The following TULP4 variants were observed in gnomAD, a reference collection of about 807,000 sequenced individuals.
The protein encoded by TULP4 is tubby-related protein 4.
TULP4 carries 16 observed loss-of-function variants against 129.0 expected under a neutral mutation model. That is an observed-to-expected ratio of 0.12 (90% CI 0.08 to 0.19). The LOEUF (loss-of-function observed/expected upper bound fraction) is 0.19. TULP4 is among the 10% of genes least tolerant of loss of function. The pLI, the probability that TULP4 is intolerant of heterozygous loss-of-function variation, is 1.00. For missense variants in TULP4, 1,842 were observed against 2,059.1 expected, an observed-to-expected ratio of 0.89 and a Z score of 2.04; for synonymous variants, 998 against 854.0, an observed-to-expected ratio of 1.17 and a Z score of -2.94.
chr6:158,308,511 G>A (rs2128480091), upstream of TULP4, among the ~76,000 whole-genome samples: 1 of 152,132 alleles, frequency 6.6e-6, no homozygotes, highest in East Asian at 2.0e-4. Flanking sequence ...TCAATGAGCT[G>A]TTGGGTACAC....
chr6:158,285,903 C>T (rs913245644), intron 1 of TULP4, among the ~76,000 whole-genome samples: 1 of 152,158 alleles, frequency 6.6e-6, no homozygotes, highest in Non-Finnish European at 1.5e-5. Context: ...AGCCAGGGCT[C>T]TGTTCGGTTG....
chr6:158,401,248 A>G (rs537267216), intron 1 of TULP4, among the ~76,000 whole-genome samples: 1 of 152,052 alleles, frequency 6.6e-6, no homozygotes, highest in South Asian at 2.1e-4. Context: ...TAATTTTGGT[A>G]TTTTTTGTAG....
chr6:158,490,823 G>A (rs1038510146), intron 9 of TULP4, among the ~76,000 whole-genome samples: 9 of 151,058 alleles, frequency 6.0e-5, no homozygotes, highest in African/African-American at 1.9e-4. Flanking sequence ...ATGATTTTGA[G>A]AGTCATCATG....
chr6:158,498,007 C>T (rs1460006033), intron 11 of TULP4, among the ~76,000 whole-genome samples: 1 of 152,212 alleles, frequency 6.6e-6, no homozygotes, highest in Non-Finnish European at 1.5e-5. Context: ...TATTTTGTCT[C>T]CTCTAAATAT....
intron 4 of TULP4, among the ~76,000 whole-genome samples, chr6:158,451,060 G>A (rs146104581): frequency 0.011 from 1,663 of 151,658 alleles, 32 homozygotes; most frequent in African/African-American, 0.037. Flanking sequence ...GCAAGTCTCC[G>A]TTTCAAAAAA....
chr6:158,240,832 G>T (rs1188723866), intron 1 of TULP4, among the ~76,000 whole-genome samples: 1 of 150,574 alleles, frequency 6.6e-6, no homozygotes, highest in Non-Finnish European at 1.5e-5. Flanking sequence ...GGCATGGCTG[G>T]CTGGGCGGGG....
rs1779422369 is a variant in TULP4 at position 158,313,864 on chromosome 6, T to C, written c.-153T>C. On this transcript the variant is annotated 5_prime_UTR_variant, in exon 1 of 14. Transcript: ENST00000367097. The stretch of plus-strand genomic sequence containing the variant: ...CATTCGGTGGATCTTTATAAAATAC[T>C]GACCTTCTAATTAGATTCAGGTCAG... 1 of 794,020 alleles carries C rather than the reference T, an allele frequency of 1.3e-6. No individual in the cohort carries two copies. Among genetic ancestry groups the C allele is most frequent in the South Asian group, 1.9e-5 (1 of 51,448 alleles). The allele number at this position is 794,020 out of a possible 1,614,324, so 49.2% of individuals were successfully genotyped here.
At chr6:158,258,043 T>C (rs1031145935) in intron 1 of TULP4, among the ~76,000 whole-genome samples, 6 of 152,226 alleles carry the variant, frequency 3.9e-5, no homozygotes, top group African/African-American at 1.4e-4. Context: ...CAACCACCTG[T>C]AGGTTTCTAT....
chr6:158,285,952 A>G (rs1464841781), intron 1 of TULP4, among the ~76,000 whole-genome samples: 1 of 152,226 alleles, frequency 6.6e-6, no homozygotes, highest in East Asian at 1.9e-4. Flanking sequence ...TCCTTTCTAT[A>G]TGAAAAACAT....
chr6:158,278,634 C>G (rs1231520432), upstream of TULP4, among the ~76,000 whole-genome samples: 1 of 152,106 alleles, frequency 6.6e-6, no homozygotes. Flanking sequence ...AACAGTTGCT[C>G]TGATAATAGT....
At chr6:158,461,799 T>C in intron 6 of TULP4, 70 bp downstream of exon 6, 2 of 1,496,292 alleles carry the variant, frequency 1.3e-6, no homozygotes, top group South Asian at 2.7e-5. Context: ...ATAATTATTG[T>C]TGACAAATTT....
At chr6:158,340,656 AG>A (rs1780158990) in intron 1 of TULP4, among the ~76,000 whole-genome samples, 2 of 152,132 alleles carry the variant, frequency 1.3e-5, no homozygotes. Flanking sequence ...TTCTAAGAGG[AG>A]AAAAGGTGAC....
rs1462931842 is a variant in TULP4 at position 158,511,718 on chromosome 6, A to G, written c.*5024A>G. On this transcript the variant is annotated 3_prime_UTR_variant, in exon 14 of 14. Coordinates refer to ENST00000367097, the MANE Select transcript of TULP4 (RefSeq NM_020245.5). ...CAAAACGATGTGGTTTGTCCAAGTT[A>G]TTTTCTGTCTTTATTACTGAGACGG... 2 of 152,092 alleles carry G rather than the reference A, an allele frequency of 1.3e-5. No individual in the cohort carries two copies. Among genetic ancestry groups the G allele is most frequent in the African/African-American group, 4.8e-5 (2 of 41,392 alleles). The allele number at this position is 152,092 out of a possible 1,614,324, so 9.4% of individuals were successfully genotyped here. A position where few individuals can be genotyped will look rare whatever the true frequency, so the allele number is the denominator to read the frequency against.
chr6:158,339,865 A>T (rs1181934583), intron 1 of TULP4, among the ~76,000 whole-genome samples: 1 of 152,230 alleles, frequency 6.6e-6, no homozygotes, highest in Non-Finnish European at 1.5e-5. Context: ...TCCTCAGCTT[A>T]CAAAGATGAC....
intron 1 of TULP4, among the ~76,000 whole-genome samples, chr6:158,348,058 A>G (rs1780353426): frequency 6.6e-6 from 1 of 150,988 alleles, no homozygotes; most frequent in African/African-American, 2.4e-5. Context: ...CCTTGCTGAG[A>G]TTCTGTATTT....
intron 1 of TULP4, among the ~76,000 whole-genome samples, chr6:158,369,818 G>T (rs1163973557): frequency 6.6e-6 from 1 of 152,106 alleles, no homozygotes; most frequent in African/African-American, 2.4e-5. Flanking sequence ...AGACAGAGGG[G>T]GAGGGAGATT....
intron 1 of TULP4, among the ~76,000 whole-genome samples, chr6:158,384,479 G>A (rs949034346): frequency 5.9e-5 from 9 of 151,838 alleles, no homozygotes; most frequent in South Asian, 2.1e-4. Flanking sequence ...TAGTAGAGAC[G>A]GGGTTTCACT....
chr6:158,325,313 A>G (rs1422029178), intron 1 of TULP4, among the ~76,000 whole-genome samples: 1 of 151,564 alleles, frequency 6.6e-6, no homozygotes, highest in Admixed American at 6.6e-5. Context: ...TCTTAATTGT[A>G]GCCAGTTATT....
chr6:158,415,655 C>T (rs1414253508), intron 2 of TULP4, among the ~76,000 whole-genome samples: 12 of 150,552 alleles, frequency 8.0e-5, no homozygotes, highest in Admixed American at 1.3e-4. Context: ...CCACTGCGCC[C>T]GGCCGCTTCT....
Sources: allele counts gnomAD v4.1 joint callset (sites outside exome capture counted in the v4.1 genomes callset), GRCh38; gene constraint gnomAD v4.1.1; transcripts MANE v1.5; gene names NCBI Gene and HGNC (gene_info 2026-07-23, HGNC 2026-07-21).